Variants in C16orf74 observed in about 807,000 individuals in gnomAD.
The protein encoded by C16orf74 is uncharacterized protein C16orf74.
In C16orf74, 10 loss-of-function variants were observed where a neutral mutation model predicts 6.5. The ratio of observed to expected loss-of-function variants is 1.54; its 90% CI spans 0.95 to 2.61. C16orf74 has a LOEUF of 2.61. Among genes scored for constraint, C16orf74 ranks in the 30% most tolerant of loss-of-function variants. C16orf74 has a pLI of 0.00. For synonymous variants in C16orf74, 60 were observed against 42.5 expected, an observed-to-expected ratio of 1.41 and a Z score of -1.60; for missense variants, 141 against 105.9, an observed-to-expected ratio of 1.33 and a Z score of -1.45.
intron 1 of C16orf74, among the ~76,000 whole-genome samples, chr16:85,739,727 T>G (rs921999504): frequency 2.0e-5 from 3 of 152,052 alleles, no homozygotes; most frequent in Admixed American, 6.5e-5. Flanking sequence ...TTGAGCCTCC[T>G]TGAAGTGGAG....
intron 2 of C16orf74, among the ~76,000 whole-genome samples, chr16:85,734,400 A>G (rs1278250833): frequency 6.6e-6 from 1 of 152,048 alleles, no homozygotes; most frequent in Non-Finnish European, 1.5e-5. Flanking sequence ...TCAGCTCCCA[A>G]CCACCTCTCC....
intron 2 of C16orf74, among the ~76,000 whole-genome samples, chr16:85,730,773 A>G (rs1186404378): frequency 2.0e-5 from 3 of 151,336 alleles, no homozygotes; most frequent in African/African-American, 7.3e-5. Flanking sequence ...CCCAGACCAG[A>G]CAACTTAAAC....
In C16orf74 at chr16:85,708,065, G is replaced by C. The variant is rs960207171; in HGVS notation, c.174C>G (p.Val58=). Residue 58 remains valine, a splice_region_variant and synonymous_variant, in exon 4 of 4, where the codon GTC becomes GTG. Coordinates refer to ENST00000284245, the MANE Select transcript of C16orf74 (RefSeq NM_206967.3). Reference sequence around the variant, plus strand: ...GGCACGACCCTGTCTCATCCAGCCAGACTAGGAGAAAGAGGGGATGGACAC... The same window carrying C: ...GGCACGACCCTGTCTCATCCAGCCACACTAGGAGAAAGAGGGGATGGACAC... The part of the protein sequence containing the change: ...MMLPRDLGST[V]WLDETGSCPD... 3 of 1,553,014 alleles carry C rather than the reference G, an allele frequency of 1.9e-6. No individual in the cohort carries two copies. Among genetic ancestry groups the C allele is most frequent in the African/African-American group, 2.7e-5 (2 of 73,132 alleles).
chr16:85,718,400 C>G (rs2054046298), intron 2 of C16orf74, among the ~76,000 whole-genome samples: 1 of 152,202 alleles, frequency 6.6e-6, no homozygotes, highest in African/African-American at 2.4e-5. Context: ...GGCTTGCACC[C>G]CAGACGTTTC....
chr16:85,727,792 C>G (rs1464393779), intron 2 of C16orf74, among the ~76,000 whole-genome samples: 2 of 150,168 alleles, frequency 1.3e-5, no homozygotes, highest in Admixed American at 1.3e-4. Flanking sequence ...CCAGCCTGGG[C>G]AACAGAGCCA....
At chr16:85,735,663 C>A (rs2054236395) in intron 1 of C16orf74, among the ~76,000 whole-genome samples, 1 of 151,542 alleles carries the variant, frequency 6.6e-6, no homozygotes, top group Admixed American at 6.6e-5. Flanking sequence ...CCCCCATGGC[C>A]ATGTACCTCC....
At chr16:85,749,040 C>A (rs1453243889) in intron 1 of C16orf74, among the ~76,000 whole-genome samples, 2 of 151,410 alleles carry the variant, frequency 1.3e-5, no homozygotes, top group Admixed American at 6.6e-5. Flanking sequence ...CTCACCCTCC[C>A]AAAGCACTGG....
At chr16:85,732,487 G>A (rs192312944) in intron 2 of C16orf74, among the ~76,000 whole-genome samples, 3,945 of 151,812 alleles carry the variant, frequency 0.026, 171 homozygotes, top group African/African-American at 0.09. Context: ...ACAACATGGT[G>A]AAACCCCGTC....
intron 2 of C16orf74, among the ~76,000 whole-genome samples, chr16:85,730,991 A>G (rs2054181742): frequency 6.6e-6 from 1 of 152,226 alleles, no homozygotes; most frequent in African/African-American, 2.4e-5. Context: ...TATTAAAAGT[A>G]ATCGTACCCG....
At position 85,707,880 on chromosome 16, in the gene C16orf74, C is replaced by A. The variant is rs567059798; in HGVS notation, c.*128G>T. ...GCTGGTCCTGCCACGTCTCTCTGAG[C>A]GGAGGCCCGGGTTCGCTCAGTTCCC... is the stretch of plus-strand genomic sequence containing the variant. On this transcript the variant is annotated 3_prime_UTR_variant, in exon 4 of 4. Transcript: ENST00000284245. The A allele has an allele frequency of 1.3e-4, 95 of 721,678 alleles. 1 individual carries two copies. The highest frequency in any genetic ancestry group is 2.4e-5 in the Admixed American group (1 of 41,090). The allele number at this position is 721,678 out of a possible 1,614,324, so 44.7% of individuals were successfully genotyped here.
intron 1 of C16orf74, among the ~76,000 whole-genome samples, chr16:85,739,832 G>C (rs541991376): frequency 6.6e-6 from 1 of 152,256 alleles, no homozygotes; most frequent in Admixed American, 6.5e-5. Context: ...ACAGTCAGAA[G>C]AGAAACAACT....
At chr16:85,716,234 G>C (rs540617741) in intron 2 of C16orf74, among the ~76,000 whole-genome samples, 9 of 151,860 alleles carry the variant, frequency 5.9e-5, no homozygotes, top group African/African-American at 1.4e-4. Context: ...CAGAAGTCTC[G>C]GAGGAGAGGG....
intron 1 of C16orf74, among the ~76,000 whole-genome samples, chr16:85,743,087 TG>T (rs955336089): frequency 1.3e-5 from 2 of 152,192 alleles, no homozygotes; most frequent in African/African-American, 4.8e-5. Context: ...TGAATTTATG[TG>T]GGAGTGTGGA....
chr16:85,748,162 GTATA>G (rs59099249), intron 1 of C16orf74, among the ~76,000 whole-genome samples: 4 of 68,158 alleles, frequency 5.9e-5, no homozygotes, highest in African/African-American at 1.3e-4. Context: ...ATATATATGT[GTATA>G]TATATATATA....
chr16:85,731,818 G>T (rs974429192), intron 2 of C16orf74, among the ~76,000 whole-genome samples: 3 of 152,274 alleles, frequency 2.0e-5, no homozygotes, highest in Non-Finnish European at 4.4e-5. Flanking sequence ...CTCCCAAGTG[G>T]CTGGGACTGC....
At chr16:85,724,737 G>T (rs1442214194) in intron 2 of C16orf74, among the ~76,000 whole-genome samples, 1 of 152,154 alleles carries the variant, frequency 6.6e-6, no homozygotes, top group Non-Finnish European at 1.5e-5. Context: ...TCCGAGGAGG[G>T]TCTCCATATG....
chr16:85,744,977 A>G (rs2054356515), intron 1 of C16orf74, among the ~76,000 whole-genome samples: 1 of 151,362 alleles, frequency 6.6e-6, no homozygotes, highest in African/African-American at 2.4e-5. Flanking sequence ...GCCCATCTCT[A>G]CTAAAAATAC....
chr16:85,727,917 CA>C (rs2054150193), intron 2 of C16orf74, among the ~76,000 whole-genome samples: 1 of 135,044 alleles, frequency 7.4e-6, no homozygotes, highest in African/African-American at 2.8e-5. Context: ...GGCTTGAAGC[CA>C]AGACTTTAAG....
intron 1 of C16orf74, among the ~76,000 whole-genome samples, chr16:85,737,099 G>C (rs1251242241): frequency 6.6e-6 from 1 of 152,168 alleles, no homozygotes; most frequent in Non-Finnish European, 1.5e-5. Context: ...TTGAGCAGCA[G>C]CGAGAACTGA....
Sources: allele counts gnomAD v4.1 joint callset (sites outside exome capture counted in the v4.1 genomes callset), GRCh38; gene constraint gnomAD v4.1.1; transcripts MANE v1.5; gene names NCBI Gene and HGNC (gene_info 2026-07-23, HGNC 2026-07-21).